The following DIP2A variants were observed in gnomAD, a reference collection of about 807,000 sequenced individuals.
DIP2A encodes DIP2 acetate--CoA ligase A, also known as disco-interacting protein 2 homolog A.
In DIP2A, 85 loss-of-function variants were observed where a neutral mutation model predicts 177.4. The observed-to-expected ratio is 0.48, with a 90% CI of 0.40 to 0.57. DIP2A has a LOEUF of 0.57. DIP2A is among the 20% of genes least tolerant of loss of function. DIP2A has a pLI of 0.00. For synonymous variants in DIP2A, 886 were observed against 881.8 expected (o/e 1.00, Z -0.08); for missense variants, 1,791 against 2,100.2 (o/e 0.85, Z 2.88).
At chr21:46,570,611 T>C (rs186766009), downstream of DIP2A, among the ~76,000 whole-genome samples, 14 of 152,332 alleles carry the variant, frequency 9.2e-5, no homozygotes, top group Admixed American at 2.6e-4. Context: ...TGCAAACTGG[T>C]TATTGTGTTT....
intron 2 of DIP2A, among the ~76,000 whole-genome samples, chr21:46,485,422 A>G (rs979275227): frequency 6.6e-6 from 1 of 152,234 alleles, no homozygotes; most frequent in African/African-American, 2.4e-5. Context: ...AGACAAATGC[A>G]TATGTGTGCG....
chr21:46,471,160 A>G (rs980009031), intron 1 of DIP2A, among the ~76,000 whole-genome samples: 1 of 152,054 alleles, frequency 6.6e-6, no homozygotes, highest in Non-Finnish European at 1.5e-5. Context: ...TAGCCTCCCA[A>G]GTAGTTAGGA....
Position 46,557,004 on chromosome 21 carries a change from G to A in DIP2A, c.3564G>A (p.Ser1188=), listed in dbSNP as rs757843321. The part of the protein sequence containing the change: ...SIKLQCELYP[S]RQIAICLDPY... ...AGCTGCAGTGTGAGCTGTACCCCTCGCGGCAGATCGCCATCTGCCTCGACC... is the reference window on the plus strand; with the variant it reads ...AGCTGCAGTGTGAGCTGTACCCCTCACGGCAGATCGCCATCTGCCTCGACC... The change falls in exon 30 of 38, where the codon TCG becomes TCA. Residue 1188 remains serine (S), a synonymous_variant. Coordinates refer to ENST00000417564, the MANE Select transcript of DIP2A (RefSeq NM_015151.4). This position sits in a 1 kb window ranked among gnomAD's most constrained non-coding sequence, Gnocchi z 6.0. 30 of 1,600,944 alleles carry A rather than the reference G, an allele frequency of 1.9e-5. No individual in the cohort carries two copies. Among genetic ancestry groups the A allele is most frequent in the Non-Finnish European group, 2.4e-5 (28 of 1,173,956 alleles).
At position 46,538,501 on chromosome 21, in the gene DIP2A, A is replaced by G; in HGVS notation, c.1820A>G (p.Lys607Arg). The G allele has an allele frequency of 6.5e-7, 1 of 1,549,682 alleles. No individual in the cohort carries two copies. The highest frequency in any genetic ancestry group is 8.7e-7 in the Non-Finnish European group (1 of 1,149,738). ...CFYKARAALV[K>R]SRDMHWSLLA... ...TCTGCAGCTCGGGCCGCGCTGGTGAAGTCGCGAGACATGCACTGGTCTCTC... is the reference window on the plus strand; with the variant it reads ...TCTGCAGCTCGGGCCGCGCTGGTGAGGTCGCGAGACATGCACTGGTCTCTC... Residue 607 changes from lysine (K) to arginine (R), a missense_variant, in exon 16 of 38, where the codon AAG (lysine) becomes AGG (arginine). Lys to Arg is a conservative substitution (Grantham distance 26). Transcript: ENST00000417564.
chr21:46,538,853 A>G, intron 16 of DIP2A: 1 of 467,074 alleles, frequency 2.1e-6, no homozygotes, highest in Non-Finnish European at 3.7e-6. Context: ...AATGAGAGTC[A>G]TCTTTCTTAA....
intron 13 of DIP2A, among the ~76,000 whole-genome samples, chr21:46,536,563 C>T (rs1294845886): frequency 1.3e-5 from 2 of 152,146 alleles, no homozygotes; most frequent in African/African-American, 4.8e-5. Flanking sequence ...TTTTCATCCC[C>T]ACCTCTTGAT....
chr21:46,514,617 C>CTTTTTT (rs752628688), intron 8 of DIP2A, among the ~76,000 whole-genome samples: 10 of 70,518 alleles, frequency 1.4e-4, no homozygotes, highest in South Asian at 6.6e-4. Context: ...AACTTTTATT[C>CTTTTTT]TTTTTTTTTT....
At chr21:46,544,704 G>A (rs1021099992) in intron 18 of DIP2A, among the ~76,000 whole-genome samples, 1 of 152,150 alleles carries the variant, frequency 6.6e-6, no homozygotes, top group Admixed American at 6.5e-5. Context: ...TACTAGAAAG[G>A]GGGCAGGCAT....
chr21:46,542,059 C>T (rs1448020012), intron 18 of DIP2A, among the ~76,000 whole-genome samples, 164 bp downstream of exon 18: 1 of 152,204 alleles, frequency 6.6e-6, no homozygotes, highest in African/African-American at 2.4e-5. Flanking sequence ...AGCGATTCTC[C>T]TGCCTCAGCC....
At chr21:46,545,069 A>G (rs1569081058) in intron 18 of DIP2A, 68 bp from the exon 19 acceptor site, 1 of 1,466,938 alleles carries the variant, frequency 6.8e-7, no homozygotes, top group Non-Finnish European at 9.2e-7. Flanking sequence ...TACAGCAGCA[A>G]GGAGATCTTT....
intron 1 of DIP2A, among the ~76,000 whole-genome samples, chr21:46,467,615 A>G (rs1228992083): frequency 2.0e-5 from 3 of 152,244 alleles, no homozygotes; most frequent in East Asian, 1.9e-4. Flanking sequence ...TGTAAGGACA[A>G]TCAGGCATTT....
chr21:46,545,883 A>G lies in DIP2A; in HGVS notation c.2316A>G (p.Ala772=). The G allele has an allele frequency of 6.2e-7, 1 of 1,613,788 alleles. No homozygotes were observed. Among genetic ancestry groups the G allele is most frequent in the Non-Finnish European group, 8.5e-7 (1 of 1,179,754 alleles). The change falls in exon 20 of 38, where the codon GCA becomes GCG. Residue 772 remains alanine, a splice_region_variant and synonymous_variant. Transcript: ENST00000417564. ...GTGCCCCTCTCCACTTTGTGCAGGC[A>G]GTTCCGGTCACCACAGGAGGAGCAC... The part of the protein sequence containing the change: ...LLGITKNVFE[A]VPVTTGGAPI...
chr21:46,560,733 C>T lies in DIP2A; in HGVS notation c.3981C>T (p.Gly1327=). The T allele has an allele frequency of 1.2e-6, 2 of 1,608,454 alleles. No homozygotes were observed. The highest frequency in any genetic ancestry group is 1.7e-6 in the Non-Finnish European group (2 of 1,177,634). The part of the protein sequence containing the change: ...NVAICLQGTA[G]PDPTTVYVDM... ...TGCTCTCCTTCCAGGGCACAGCTGG[C>T]CCGGACCCCACAACCGTCTACGTGG... is the stretch of plus-strand genomic sequence containing the variant. Residue 1327 remains glycine, a synonymous_variant, in exon 33 of 38, where the codon GGC becomes GGT. Transcript: ENST00000417564.
chr21:46,487,479 T>G (rs2056762534), intron 2 of DIP2A, among the ~76,000 whole-genome samples: 1 of 152,164 alleles, frequency 6.6e-6, no homozygotes. Context: ...ACACATTATT[T>G]GGGTGGTCAC....
chr21:46,542,132 C>T (rs2059845577), intron 18 of DIP2A, among the ~76,000 whole-genome samples: 3 of 152,126 alleles, frequency 2.0e-5, no homozygotes, highest in South Asian at 2.1e-4. Flanking sequence ...TAAAAGATTT[C>T]TCAAGAATGT....
intron 3 of DIP2A, among the ~76,000 whole-genome samples, chr21:46,495,240 TTCTTTCTCTCTCTC>T (rs2057272419): frequency 2.7e-3 from 130 of 47,876 alleles, no homozygotes; most frequent in African/African-American, 0.016. Context: ...TTCTCTTCTC[TTCTTTCTCTCTCTC>T]TCTCTCTCTC....
At chr21:46,570,316 A>G (rs963524518), downstream of DIP2A, among the ~76,000 whole-genome samples, 2 of 115,824 alleles carry the variant, frequency 1.7e-5, no homozygotes, top group Non-Finnish European at 3.5e-5. Context: ...GGCAATGGAC[A>G]TGTGCTCAAG....
Position 46,545,946 on chromosome 21 carries a change from G to C in DIP2A, c.2379G>C (p.Leu793=). ...GGCCATTCACCAGGACAGGCCTGCTGGGCTTCATCGGGCCTGTGAGTATGT... is the reference window on the plus strand; with the variant it reads ...GGCCATTCACCAGGACAGGCCTGCTCGGCTTCATCGGGCCTGTGAGTATGT... ...FDRPFTRTGL[L]GFIGPDNLVF... The change falls in exon 20 of 38, where the codon CTG becomes CTC. Residue 793 remains leucine, a synonymous_variant. Transcript: ENST00000417564. The C allele has an allele frequency of 3.1e-6, 5 of 1,614,014 alleles. No homozygotes were observed. The highest frequency in any genetic ancestry group is 2.2e-5 in the East Asian group (1 of 44,884).
At chr21:46,513,682 G>A (rs1002162069) in intron 8 of DIP2A, among the ~76,000 whole-genome samples, 1 of 152,084 alleles carries the variant, frequency 6.6e-6, no homozygotes, top group Non-Finnish European at 1.5e-5. Context: ...TAGGTTGAGA[G>A]CATCCCAAAT....
Sources: allele counts gnomAD v4.1 joint callset (sites outside exome capture counted in the v4.1 genomes callset), GRCh38; gene constraint gnomAD v4.1.1; non-coding constraint Gnocchi (gnomAD v3.1); transcripts MANE v1.5; gene names NCBI Gene and HGNC (gene_info 2026-07-23, HGNC 2026-07-21).